The following DDX10 variants were observed in gnomAD, a reference collection of about 807,000 sequenced individuals.
The protein encoded by DDX10 is DEAD-box helicase 10, also known as probable ATP-dependent RNA helicase DDX10.
In DDX10, 74 loss-of-function variants were observed where a neutral mutation model predicts 104.3. The ratio of observed to expected loss-of-function variants is 0.71; its 90% confidence interval spans 0.59 to 0.86. The LOEUF is 0.86. DDX10 is among the 40% of genes least tolerant of loss of function. The pLI, the probability that DDX10 is intolerant of heterozygous loss-of-function variation, is 0.00. For missense variants in DDX10, 952 were observed against 1,040.0 expected (o/e 0.92, Z 1.16); for synonymous variants, 351 against 353.4 (o/e 0.99, Z 0.08).
intron 16 of DDX10, among the ~76,000 whole-genome samples, chr11:108,885,118 G>GTT (rs1863278851): frequency 6.6e-6 from 1 of 151,962 alleles, no homozygotes; most frequent in East Asian, 1.9e-4. Flanking sequence ...CACATTGTTT[G>GTT]TTTTTGTTGT....
At chr11:108,838,670 A>AT in intron 14 of DDX10, 105 bp downstream of exon 14, 5 of 1,312,674 alleles carry the variant, frequency 3.8e-6, no homozygotes, top group Non-Finnish European at 4.1e-6. Flanking sequence ...ATGTTTCTCT[A>AT]CAGCATGCTG....
chr11:108,905,312 AG>A (rs35966996), intron 16 of DDX10, among the ~76,000 whole-genome samples: 3,999 of 106,682 alleles, frequency 0.037, 268 homozygotes, highest in African/African-American at 0.16. Flanking sequence ...AGATTGTTTA[AG>A]GGGGGGGGGG....
intron 13 of DDX10, among the ~76,000 whole-genome samples, chr11:108,774,840 C>G (rs934721223): frequency 6.6e-6 from 1 of 152,178 alleles, no homozygotes; most frequent in Admixed American, 6.5e-5. Context: ...CCTCTCTCCT[C>G]TCCAGTGAAA....
intron 14 of DDX10, 141 bp downstream of exon 14, chr11:108,838,706 G>A: frequency 1.0e-6 from 1 of 960,924 alleles, no homozygotes; most frequent in Non-Finnish European, 1.5e-6. Flanking sequence ...TGTTACTGTA[G>A]GCTGTACATC....
chr11:108,735,601 T>G (rs1288402369), intron 13 of DDX10, among the ~76,000 whole-genome samples: 1 of 152,042 alleles, frequency 6.6e-6, no homozygotes, highest in Non-Finnish European at 1.5e-5. Context: ...ATAGGTAATT[T>G]GAAATGAAAA....
At chr11:108,668,931 C>T (rs1352735912) in intron 1 of DDX10, among the ~76,000 whole-genome samples, 2 of 152,098 alleles carry the variant, frequency 1.3e-5, no homozygotes. Flanking sequence ...AAAAAACATG[C>T]TTCTTCTGGG....
intron 13 of DDX10, among the ~76,000 whole-genome samples, chr11:108,765,499 C>T (rs1056628376): frequency 1.3e-5 from 2 of 152,096 alleles, no homozygotes; most frequent in African/African-American, 4.8e-5. Context: ...TTAAGTTTGG[C>T]CCAGAAAAAT....
chr11:108,716,590 G>A (rs1405651140), intron 11 of DDX10, among the ~76,000 whole-genome samples: 1 of 152,058 alleles, frequency 6.6e-6, no homozygotes, highest in African/African-American at 2.4e-5. Context: ...TATAACTCCT[G>A]ATTGTACTTT....
Position 108,826,473 on chromosome 11 carries a change from G to C in DDX10, c.1966-11973G>C, listed in dbSNP as rs78703476. Among the ~76,000 whole-genome samples, 447 of 152,266 alleles carry C rather than the reference G, an allele frequency of 2.9e-3. 12 individuals are homozygous for C. The highest frequency in any genetic ancestry group is 0.027 in the East Asian group (138 of 5,190). ...GACATCCTTTCATACTTCCCAAATA[G>C]TTTTATATTTTAGCTATGGACCTCA... On this transcript the variant is annotated intron_variant, in intron 13 of 17. Transcript: ENST00000322536.
At chr11:108,862,272 C>T (rs548150912) in intron 16 of DDX10, among the ~76,000 whole-genome samples, 92 of 152,192 alleles carry the variant, frequency 6.0e-4, no homozygotes, top group South Asian at 1.4e-3. Flanking sequence ...GATCCTCCCG[C>T]CTCAGCCTCC....
chr11:108,807,478 TG>T (rs1216636434), intron 13 of DDX10, among the ~76,000 whole-genome samples: 6 of 152,096 alleles, frequency 3.9e-5, no homozygotes, highest in Admixed American at 2.6e-4. Flanking sequence ...AGACTGATGC[TG>T]GGGGTGGGTT....
chr11:108,865,403 T>C (rs559241979), intron 16 of DDX10, among the ~76,000 whole-genome samples: 1 of 152,314 alleles, frequency 6.6e-6, no homozygotes, highest in Non-Finnish European at 1.5e-5. Flanking sequence ...TTTTATATGC[T>C]TTCTAACCTT....
chr11:108,884,279 T>C (rs1319944616), intron 16 of DDX10, among the ~76,000 whole-genome samples: 2 of 152,216 alleles, frequency 1.3e-5, no homozygotes, highest in Non-Finnish European at 2.9e-5. Context: ...ACTCACCAGG[T>C]TGATTAGGCA....
rs375172576 is a variant in DDX10 at position 108,723,042 on chromosome 11, A to T, written c.1545A>T (p.Lys515Asn). 5.0e-6 allele frequency: 8 copies of T among 1,611,660 alleles called. No homozygotes were observed. The highest frequency in any genetic ancestry group is 1.3e-5 in the African/African-American group (1 of 74,640). Reference protein sequence around the residue: ...AVAPRVRFLQKMQKQPTKELV... With the variant: ...AVAPRVRFLQNMQKQPTKELV... ...CACCACGCGTAAGATTTCTTCAGAA[A>T]ATGCAGAAACAACCCACCAAAGAAT... Residue 515 changes from lysine (K) to asparagine (N), a missense_variant, in exon 13 of 18, where the codon AAA (lysine) becomes AAT (asparagine). By Grantham distance (94) the Lys-to-Asn change is moderately conservative. This residue lies in a region of DDX10 where 533 missense variants were observed against 534.1 expected (regional missense o/e 1.00). Transcript: ENST00000322536.
chr11:108,819,145 AGC>A (rs1462374762), intron 13 of DDX10, among the ~76,000 whole-genome samples: 1 of 152,056 alleles, frequency 6.6e-6, no homozygotes, highest in Non-Finnish European at 1.5e-5. Context: ...TAACTGTCTT[AGC>A]TCTGTACAGC....
chr11:108,903,144 C>G (rs1454476162), intron 16 of DDX10, among the ~76,000 whole-genome samples: 1 of 152,040 alleles, frequency 6.6e-6, no homozygotes, highest in Non-Finnish European at 1.5e-5. Flanking sequence ...TGTGCAACCA[C>G]CAGCACCACT....
chr11:108,833,180 G>A (rs947744568), intron 13 of DDX10, among the ~76,000 whole-genome samples: 13 of 152,252 alleles, frequency 8.5e-5, no homozygotes, highest in East Asian at 3.9e-4. Context: ...GTGTGTTAGC[G>A]TTTGCCACTC....
chr11:108,781,946 A>G (rs1478301968), intron 13 of DDX10, among the ~76,000 whole-genome samples: 1 of 152,212 alleles, frequency 6.6e-6, no homozygotes, highest in African/African-American at 2.4e-5. Flanking sequence ...TTAAGAGCAC[A>G]GCCGTCAGAA....
intron 1 of DDX10, among the ~76,000 whole-genome samples, chr11:108,666,943 A>G (rs2094210918): frequency 1.3e-5 from 2 of 152,210 alleles, no homozygotes; most frequent in African/African-American, 4.8e-5. Flanking sequence ...CCGTAGAGCT[A>G]GAAACCTAGG....
Sources: allele counts gnomAD v4.1 joint callset (sites outside exome capture counted in the v4.1 genomes callset), GRCh38; gene constraint gnomAD v4.1.1; regional missense constraint gnomAD v4.1.1; transcripts MANE v1.5; gene names NCBI Gene and HGNC (gene_info 2026-07-23, HGNC 2026-07-21).